SERAC1: variants seen among roughly 807,000 people sequenced by gnomAD.
SERAC1 encodes serine active site containing 1, also known as protein SERAC1.
In SERAC1, 36 loss-of-function variants were observed where a neutral mutation model predicts 85.7. The observed-to-expected ratio is 0.42, with a 90% CI of 0.32 to 0.55. The LOEUF is 0.55. Ranked by LOEUF, SERAC1 falls within the 20% of genes least tolerant of loss-of-function variation. The pLI is 0.11. For synonymous variants in SERAC1, 242 were observed against 265.3 expected (o/e 0.91, Z 0.85); for missense variants, 629 against 796.2 (o/e 0.79, Z 2.53).
Position 158,111,279 on chromosome 6 carries a change from G to T in SERAC1, c.*87C>A. On this transcript the variant is annotated 3_prime_UTR_variant, in exon 17 of 17. Coordinates refer to ENST00000647468, the MANE Select transcript of SERAC1 (RefSeq NM_032861.4). ...TGTTGACGCTATGATCACTATGTTT[G>T]CATGATTGCATAGAGCTTAAAAGAA... The T allele has an allele frequency of 2.5e-6, 3 of 1,222,144 alleles. No homozygotes were observed. The highest frequency in any genetic ancestry group is 3.4e-6 in the Non-Finnish European group (3 of 883,200). 75.7% of individuals were successfully genotyped at this position (1,222,144 alleles called of 1,614,324 possible).
rs745987275 is a variant in SERAC1, at chr6:158,114,832, G to A, written c.1641C>T (p.Arg547=). The A allele has an allele frequency of 1.3e-5, 21 of 1,606,642 alleles. No homozygotes were observed. Among genetic ancestry groups the A allele is most frequent in the Non-Finnish European group, 1.7e-5 (20 of 1,177,364 alleles). The part of the protein sequence containing the change: ...SRLAEYSVNI[R]YLLFPSLEVK... ...CTTCCAACGAGGGGAAGAGAAGATAGCGAATATTAACAGAGTATTCAGCCA... is the reference window on the plus strand; with the variant it reads ...CTTCCAACGAGGGGAAGAGAAGATAACGAATATTAACAGAGTATTCAGCCA... The change falls in exon 15 of 17, where the codon CGC becomes CGT. Residue 547 remains arginine, a synonymous_variant. Coordinates refer to ENST00000647468, the MANE Select transcript of SERAC1 (RefSeq NM_032861.4).
At chr6:158,152,962 T>G (rs187479554) in intron 3 of SERAC1, 2 of 152,270 alleles carry the variant, frequency 1.3e-5, no homozygotes, top group Admixed American at 1.3e-4. Context: ...TACATATACA[T>G]GTATATACAC....
At chr6:158,133,850 TG>T (rs1282913728) in intron 8 of SERAC1, among the ~76,000 whole-genome samples, 1 of 152,178 alleles carries the variant, frequency 6.6e-6, no homozygotes, top group African/African-American at 2.4e-5. Flanking sequence ...TAAACTTGGA[TG>T]GAAAAAAAAA....
chr6:158,143,839 A>T (rs1163578912), intron 7 of SERAC1, among the ~76,000 whole-genome samples: 2 of 152,156 alleles, frequency 1.3e-5, no homozygotes, highest in East Asian at 3.8e-4. Context: ...AACATCTGGC[A>T]ACGTCTGGGG....
intron 15 of SERAC1, 133 bp downstream of exon 15, chr6:158,114,656 C>T: frequency 1.4e-6 from 2 of 1,447,500 alleles, no homozygotes; most frequent in South Asian, 1.5e-5. Flanking sequence ...CCCAAAATTT[C>T]CATGAATAGT....
intron 16 of SERAC1, chr6:158,112,363 T>TGA (rs1784166019): frequency 6.6e-6 from 1 of 152,214 alleles, no homozygotes; most frequent in Admixed American, 6.5e-5. Context: ...CAATGAGCTA[T>TGA]GATTATACCA....
At chr6:158,159,740 T>G (rs1785442750) in intron 1 of SERAC1, among the ~76,000 whole-genome samples, 1 of 150,496 alleles carries the variant, frequency 6.6e-6, no homozygotes, top group South Asian at 2.1e-4. Flanking sequence ...TCCTCCCACC[T>G]CAGCCTACCG....
At chr6:158,155,573 T>C (rs1025173092) in intron 2 of SERAC1, among the ~76,000 whole-genome samples, 5 of 152,138 alleles carry the variant, frequency 3.3e-5, no homozygotes, top group Non-Finnish European at 5.9e-5. Context: ...ATTGATGACA[T>C]TTCATACCTC....
At chr6:158,137,858 G>C (rs1784829229) in intron 8 of SERAC1, among the ~76,000 whole-genome samples, 1 of 152,072 alleles carries the variant, frequency 6.6e-6, no homozygotes, top group Non-Finnish European at 1.5e-5. Flanking sequence ...CAACCTGGGT[G>C]ACAGAGTGAG....
intron 8 of SERAC1, among the ~76,000 whole-genome samples, chr6:158,136,775 C>A (rs1186609576): frequency 6.6e-6 from 1 of 152,178 alleles, no homozygotes; most frequent in Non-Finnish European, 1.5e-5. Context: ...GATGGACTCT[C>A]TCCACCCACC....
At chr6:158,128,641 C>A (rs2128415269) in intron 9 of SERAC1, among the ~76,000 whole-genome samples, 1 of 152,280 alleles carries the variant, frequency 6.6e-6, no homozygotes, top group Non-Finnish European at 1.5e-5. Flanking sequence ...AAATCTGCCA[C>A]CTATTCTCAG....
rs117205535 is a variant in SERAC1 at position 158,156,662 on chromosome 6, A to G, written c.92-1311T>C. ...CTGGACTCAAGCTTCTGTTACATGCACTGAGCACAACCTTAACTGATGGTA... is the reference window on the plus strand; with the variant it reads ...CTGGACTCAAGCTTCTGTTACATGCGCTGAGCACAACCTTAACTGATGGTA... On this transcript the variant is annotated intron_variant, in intron 2 of 16. Coordinates refer to ENST00000647468, the MANE Select transcript of SERAC1 (RefSeq NM_032861.4). 1.0e-2 allele frequency among the ~76,000 whole-genome samples: 1,495 copies of G among 149,852 alleles called. 15 individuals carry two copies. Among genetic ancestry groups the G allele is most frequent in the Non-Finnish European group, 0.013 (863 of 67,702 alleles).
chr6:158,160,438 T>G (rs1785462740), intron 1 of SERAC1, among the ~76,000 whole-genome samples: 1 of 152,186 alleles, frequency 6.6e-6, no homozygotes, highest in Non-Finnish European at 1.5e-5. Flanking sequence ...AATGAATGAT[T>G]ATTAGAAACT....
At chr6:158,138,820 A>G (rs1784855508) in intron 8 of SERAC1, among the ~76,000 whole-genome samples, 1 of 152,254 alleles carries the variant, frequency 6.6e-6, no homozygotes, top group Admixed American at 6.5e-5. Context: ...TTGGCATGAC[A>G]GGGTTGTGGT....
chr6:158,134,353 C>A (rs1784745751), intron 8 of SERAC1, among the ~76,000 whole-genome samples: 1 of 152,174 alleles, frequency 6.6e-6, no homozygotes. Context: ...TAAAAGGAAC[C>A]AAGCCTGCTT....
At chr6:158,135,240 A>T (rs570913433) in intron 8 of SERAC1, among the ~76,000 whole-genome samples, 2 of 152,326 alleles carry the variant, frequency 1.3e-5, no homozygotes, top group South Asian at 4.1e-4. Flanking sequence ...AAAAGAAAAA[A>T]GCTGTCATAG....
intron 8 of SERAC1, among the ~76,000 whole-genome samples, chr6:158,138,361 G>A (rs1784841664): frequency 6.7e-6 from 1 of 149,058 alleles, no homozygotes; most frequent in Non-Finnish European, 1.5e-5. Context: ...CTTGAGCCCA[G>A]GAGGCAGAGG....
At chr6:158,165,345 C>T (rs770630155) in intron 1 of SERAC1, among the ~76,000 whole-genome samples, 9 of 152,022 alleles carry the variant, frequency 5.9e-5, no homozygotes, top group Non-Finnish European at 1.3e-4. Flanking sequence ...TTAGTACAGA[C>T]GGGGTTTCAC....
At chr6:158,138,512 G>GT (rs59830626) in intron 8 of SERAC1, among the ~76,000 whole-genome samples, 79,536 of 150,290 alleles carry the variant, frequency 0.53, 21,416 homozygotes, top group African/African-American at 0.61. Flanking sequence ...AAAAGGTAAG[G>GT]TTACAGAACA....
Sources: allele counts gnomAD v4.1 joint callset (sites outside exome capture counted in the v4.1 genomes callset), GRCh38; gene constraint gnomAD v4.1.1; transcripts MANE v1.5; gene names NCBI Gene and HGNC (gene_info 2026-07-23, HGNC 2026-07-21).